Variants in PLD1 observed in about 807,000 individuals in gnomAD.
The protein encoded by PLD1 is phospholipase D1, also known as choline phosphatase 1.
PLD1 carries 112 observed loss-of-function variants against 137.1 expected under a neutral mutation model. The ratio of observed to expected loss-of-function variants is 0.82; its 90% CI spans 0.70 to 0.96. The LOEUF is 0.96. PLD1 is among the 40% of genes least tolerant of loss of function. PLD1 has a pLI of 0.00. For missense variants in PLD1, 1,321 were observed against 1,342.0 expected, an observed-to-expected ratio of 0.98 and a Z score of 0.24; for synonymous variants, 431 against 454.7, an observed-to-expected ratio of 0.95 and a Z score of 0.66.
chr3:171,770,888 C>CAAAAAAAAAAAAAAAAAAAAAA (rs34683994), intron 1 of PLD1, among the ~76,000 whole-genome samples: 24 of 40,872 alleles, frequency 5.9e-4, no homozygotes, highest in African/African-American at 1.7e-3. Context: ...AACCCTATCT[C>CAAAAAAAAAAAAAAAAAAAAAA]AAAAAAAAAA....
chr3:171,735,798 G>C (rs561654398), intron 3 of PLD1, among the ~76,000 whole-genome samples, 161 bp from the exon 4 acceptor site: 81 of 152,252 alleles, frequency 5.3e-4, no homozygotes, highest in Non-Finnish European at 9.4e-4. Context: ...GCAGCCAATT[G>C]CAGAAATAAT....
chr3:171,739,757 C>T (rs565597789), intron 1 of PLD1, among the ~76,000 whole-genome samples: 14 of 152,220 alleles, frequency 9.2e-5, no homozygotes, highest in African/African-American at 3.4e-4. Flanking sequence ...AGTAACTTGA[C>T]CAATATTTTA....
intron 1 of PLD1, among the ~76,000 whole-genome samples, chr3:171,748,320 G>A (rs1720407939): frequency 6.6e-6 from 1 of 152,176 alleles, no homozygotes; most frequent in Admixed American, 6.5e-5. Context: ...TAAAAGAAAG[G>A]TAGTTAATAT....
intron 5 of PLD1, among the ~76,000 whole-genome samples, chr3:171,733,928 G>C (rs1719140024): frequency 6.6e-6 from 1 of 151,994 alleles, no homozygotes; most frequent in Admixed American, 6.6e-5. Context: ...AAACAAAGGT[G>C]GAGAAAGGTT....
In PLD1 at chr3:171,677,556, T is replaced by G. The variant is rs750374408; in HGVS notation, c.1996+10A>C. 1.7e-5 allele frequency: 28 copies of G among 1,612,924 alleles called. No individual in the cohort carries two copies. The highest frequency in any genetic ancestry group is 2.3e-5 in the Non-Finnish European group (27 of 1,179,312). On this transcript the variant is annotated intron_variant, in intron 17 of 26. Coordinates refer to ENST00000351298, the MANE Select transcript of PLD1 (RefSeq NM_002662.5). ...AAATATAACCAGCACCCCACCATTATGATACTCACCAGCAAAAGGTTTATC... is the reference window on the plus strand; with the variant it reads ...AAATATAACCAGCACCCCACCATTAGGATACTCACCAGCAAAAGGTTTATC...
chr3:171,800,411 G>A (rs1723598419), intron 1 of PLD1, among the ~76,000 whole-genome samples: 1 of 152,114 alleles, frequency 6.6e-6, no homozygotes, highest in Non-Finnish European at 1.5e-5. Context: ...GTTTCACCAT[G>A]TTGGCCAGGC....
intron 19 of PLD1, among the ~76,000 whole-genome samples, chr3:171,672,006 T>G (rs1237685036): frequency 7.3e-6 from 1 of 137,714 alleles, no homozygotes; most frequent in Non-Finnish European, 1.6e-5. Context: ...GCCCTGGCCT[T>G]ATGCTGTCTA....
intron 11 of PLD1, 63 bp from the exon 12 acceptor site, chr3:171,699,889 T>C: frequency 4.3e-6 from 6 of 1,380,404 alleles, no homozygotes; most frequent in South Asian, 1.2e-5. Flanking sequence ...GATTGTGTCA[T>C]AGGAAGCAAA....
intron 23 of PLD1, among the ~76,000 whole-genome samples, chr3:171,627,630 T>A (rs900125119): frequency 6.6e-6 from 1 of 152,100 alleles, no homozygotes; most frequent in African/African-American, 2.4e-5. Context: ...CCTCAGCAAA[T>A]GTAAAAGATA....
intron 1 of PLD1, among the ~76,000 whole-genome samples, chr3:171,796,151 G>A (rs950783575): frequency 6.6e-6 from 1 of 152,192 alleles, no homozygotes; most frequent in African/African-American, 2.4e-5. Context: ...TTTACGATGA[G>A]TGCAGTGAAG....
intron 25 of PLD1, among the ~76,000 whole-genome samples, chr3:171,611,993 G>T (rs891774730): frequency 1.3e-5 from 2 of 152,158 alleles, no homozygotes; most frequent in African/African-American, 4.8e-5. Flanking sequence ...GAGCCAGGAG[G>T]ATTGCTTGAG....
chr3:171,807,769 A>G (rs1455894102), intron 1 of PLD1, among the ~76,000 whole-genome samples: 1 of 152,220 alleles, frequency 6.6e-6, no homozygotes, highest in Non-Finnish European at 1.5e-5. Context: ...ACACACACAA[A>G]TTCATATGTT....
chr3:171,741,822 A>C (rs1014629971), intron 1 of PLD1, among the ~76,000 whole-genome samples: 4 of 152,268 alleles, frequency 2.6e-5, no homozygotes, highest in African/African-American at 9.6e-5. Flanking sequence ...AGAACATCAA[A>C]GAGAAGCAGA....
intron 1 of PLD1, among the ~76,000 whole-genome samples, chr3:171,804,721 G>C (rs552999933): frequency 8.5e-5 from 13 of 152,306 alleles, no homozygotes; most frequent in African/African-American, 2.6e-4. Context: ...GTATCTTATT[G>C]TCCACATGCT....
At chr3:171,749,454 G>C (rs1440148471) in intron 1 of PLD1, among the ~76,000 whole-genome samples, 19 of 152,120 alleles carry the variant, frequency 1.2e-4, no homozygotes, top group Admixed American at 1.2e-3. Context: ...ATGGAACTGT[G>C]GTTAACTACA....
intron 11 of PLD1, among the ~76,000 whole-genome samples, chr3:171,706,127 T>A (rs1367035722): frequency 1.4e-5 from 2 of 147,414 alleles, no homozygotes; most frequent in Admixed American, 6.7e-5. Flanking sequence ...TCAGTCAGTC[T>A]ATCTATCTAT....
intron 1 of PLD1, among the ~76,000 whole-genome samples, chr3:171,752,836 G>A (rs748995409): frequency 2.6e-5 from 4 of 152,206 alleles, no homozygotes; most frequent in Non-Finnish European, 5.9e-5. Context: ...CAGACACTGA[G>A]TAAGAACTGA....
intron 1 of PLD1, among the ~76,000 whole-genome samples, chr3:171,774,579 G>A (rs959463574): frequency 2.0e-5 from 3 of 152,200 alleles, no homozygotes; most frequent in African/African-American, 7.2e-5. Context: ...GGAGGAATGA[G>A]GCCTTTTTGG....
chr3:171,637,455 G>C (rs1465059499), intron 23 of PLD1, among the ~76,000 whole-genome samples: 1 of 151,908 alleles, frequency 6.6e-6, no homozygotes, highest in African/African-American at 2.4e-5. Flanking sequence ...GGATGGTCTC[G>C]ATCTCTTGAC....
Sources: allele counts gnomAD v4.1 joint callset (sites outside exome capture counted in the v4.1 genomes callset), GRCh38; gene constraint gnomAD v4.1.1; transcripts MANE v1.5; gene names NCBI Gene and HGNC (gene_info 2026-07-23, HGNC 2026-07-21).